The following TMX3 variants were observed in gnomAD, a reference collection of about 807,000 sequenced individuals.
The protein encoded by TMX3 is thioredoxin related transmembrane protein 3.
TMX3 carries 40 observed loss-of-function variants against 64.4 expected under a neutral mutation model. That is an observed-to-expected ratio of 0.62 (90% CI 0.48 to 0.81). The LOEUF is 0.81. Among genes scored for constraint, TMX3 ranks in the 30% least tolerant of loss-of-function variants. The pLI is 0.00. For missense variants in TMX3, 497 were observed against 534.5 expected, an observed-to-expected ratio of 0.93 and a Z score of 0.69; for synonymous variants, 189 against 175.7, an observed-to-expected ratio of 1.08 and a Z score of -0.60.
chr18:68,686,940 C>T (rs1914021542), intron 10 of TMX3: 1 of 983,498 alleles, frequency 1.0e-6, no homozygotes, highest in Non-Finnish European at 1.2e-6. Flanking sequence ...TAAGAGTAGG[C>T]AATCATGAAG....
Position 68,681,205 on chromosome 18 carries a change from G to T in TMX3, c.906-95C>A, listed in dbSNP as rs554256486. The T allele has an allele frequency of 1.4e-3, 1,496 of 1,101,060 alleles. 1 individual carries two copies. Among genetic ancestry groups the T allele is most frequent in the Non-Finnish European group, 1.5e-3 (1,273 of 829,498 alleles). The allele number at this position is 1,101,060 out of a possible 1,614,324, so 68.2% of individuals were successfully genotyped here. ...TATCTCAGTAGCCATAATTATAGAA[G>T]CTATTTAACACATTTGTGCATATTT... On this transcript the variant is annotated intron_variant, in intron 13 of 15. Transcript: ENST00000299608.
intron 10 of TMX3, chr18:68,687,030 A>G (rs1466512781): frequency 2.0e-6 from 2 of 982,548 alleles, no homozygotes; most frequent in East Asian, 2.3e-4. Flanking sequence ...CTCAAAAGCT[A>G]TACTTCCATC....
At chr18:68,694,241 T>G (rs893357573) in intron 8 of TMX3, among the ~76,000 whole-genome samples, 2 of 152,162 alleles carry the variant, frequency 1.3e-5, no homozygotes, top group African/African-American at 4.8e-5. Flanking sequence ...GAACCCAGAC[T>G]TTGGGGCTCC....
At chr18:68,690,794 T>C (rs962617710) in intron 9 of TMX3, among the ~76,000 whole-genome samples, 2 of 152,206 alleles carry the variant, frequency 1.3e-5, no homozygotes, top group Admixed American at 6.5e-5. Flanking sequence ...CTACGATGTA[T>C]GTTTGATATT....
chr18:68,700,447 C>G lies in TMX3; in HGVS notation c.350G>C (p.Arg117Pro). 6.3e-7 allele frequency: 1 copy of G among 1,576,854 alleles called. No homozygotes were observed. The highest frequency in any genetic ancestry group is 8.6e-7 in the Non-Finnish European group (1 of 1,163,738). The change falls in exon 6 of 16, where the codon CGA (arginine) becomes CCA (proline). Residue 117 changes from arginine (R) to proline (P), a missense_variant. By Grantham distance (103) the Arg-to-Pro change is moderately radical. Around this residue, in one of 3 missense-constraint regions of TMX3, gnomAD observed 360 missense variants for 383.5 expected, o/e 0.94. Transcript: ENST00000299608. ...AAACTCAATAATATCATCTTTTGTT[C>G]GTGGTCCTCTATAATTATATGCCAA... ...GDLAYNYRGP[R>P]TKDDIIEFAH...
rs309204 is a variant in TMX3 at position 68,676,890 on chromosome 18, T to C, written c.*43A>G. On this transcript the variant is annotated 3_prime_UTR_variant, in exon 16 of 16. Transcript: ENST00000299608. ...GTCTAAATTCAATAAATAGACTCTT[T>C]AATAATTTGAAGTCCTAACAAATAT... 0.013 allele frequency: 19,870 copies of C among 1,575,472 alleles called. 1,658 individuals carry two copies. In the African/African-American group the frequency reaches 0.21, roughly 16 times the overall value.
chr18:68,714,837 C>T lies in TMX3; in HGVS notation c.46+99G>A, dbSNP rs538910176. The T allele has an allele frequency of 1.6e-4, 233 of 1,478,222 alleles. 3 individuals carry two copies. In the South Asian group the frequency reaches 2.7e-3, roughly 17 times the overall value. 91.6% of individuals were successfully genotyped at this position (1,478,222 alleles called of 1,614,324 possible). On this transcript the variant is annotated intron_variant, in intron 1 of 15. Transcript: ENST00000299608. ...GGGAATGGGTGGGCATCTCCACGAA[C>T]CCCGCAGGCCTCGCCCCAGACCCGG...
Position 68,677,022 on chromosome 18 carries a change from T to A in TMX3, c.1276A>T (p.Ser426Cys), listed in dbSNP as rs1239540963. Residue 426 changes from serine (S) to cysteine (C), a missense_variant, in exon 16 of 16, where the codon AGC becomes TGC. By Grantham distance (112) the Ser-to-Cys change is moderately radical (BLOSUM62 -1). Coordinates refer to ENST00000299608, the MANE Select transcript of TMX3 (RefSeq NM_019022.5). Reference sequence around the variant, plus strand: ...CTGCTGGGCTCCTGCTGTTCTTTGCTCTCTTCTATCTGTTCTTGGTTTTCA... The same window carrying A: ...CTGCTGGGCTCCTGCTGTTCTTTGCACTCTTCTATCTGTTCTTGGTTTTCA... ...ENENQEQIEE[S>C]KEQQEPSSGG... 1.2e-6 allele frequency: 2 copies of A among 1,613,834 alleles called. No individual in the cohort carries two copies. Among genetic ancestry groups the A allele is most frequent in the Admixed American group, 3.3e-5 (2 of 59,966 alleles).
chr18:68,687,813 AAG>A (rs1383593227), intron 9 of TMX3, 48 bp from the exon 10 acceptor site: 1 of 1,430,702 alleles, frequency 7.0e-7, no homozygotes, highest in Non-Finnish European at 9.7e-7. Flanking sequence ...ATATGAATTT[AAG>A]AGTTATAATA....
Position 68,677,040 on chromosome 18 carries a change from G to C in TMX3, c.1258C>G (p.Gln420Glu), listed in dbSNP as rs1223743731. The change falls in exon 16 of 16, where the codon CAA becomes GAA. Residue 420 changes from glutamine to glutamate, a missense_variant. By Grantham distance (29) the Gln-to-Glu change is conservative. Coordinates refer to ENST00000299608, the MANE Select transcript of TMX3 (RefSeq NM_019022.5). ...TCTTTGCTCTCTTCTATCTGTTCTTGGTTTTCATTTTCACTTTTAGACACT... is the reference window on the plus strand; with the variant it reads ...TCTTTGCTCTCTTCTATCTGTTCTTCGTTTTCATTTTCACTTTTAGACACT... ...YEVSKSENEN[Q>E]EQIEESKEQQ... The C allele has an allele frequency of 6.2e-7, 1 of 1,613,654 alleles. No homozygotes were observed. The highest frequency in any genetic ancestry group is 1.1e-5 in the South Asian group (1 of 91,058).
rs189874876 is a variant in TMX3 at position 68,699,358 on chromosome 18, G to A, written c.392+1047C>T. Among the ~76,000 whole-genome samples the A allele has an allele frequency of 3.6e-3, 555 of 152,084 alleles. 6 individuals carry two copies. The highest frequency in any genetic ancestry group is 4.2e-3 in the Non-Finnish European group (287 of 67,974). Reference sequence around the variant, plus strand: ...TAATGACTAATATAAATCCTGGGAGGATTCAGTACCTCCCGCTAGCACTCC... The same window carrying A: ...TAATGACTAATATAAATCCTGGGAGAATTCAGTACCTCCCGCTAGCACTCC... On this transcript the variant is annotated intron_variant, in intron 6 of 15. Transcript: ENST00000299608.
chr18:68,677,271 C>T, intron 15 of TMX3, 78 bp from the exon 16 acceptor site: 1 of 1,451,956 alleles, frequency 6.9e-7, no homozygotes, highest in East Asian at 2.3e-5. Flanking sequence ...CTTGAAACCA[C>T]TATAGATTTC....
intron 6 of TMX3, among the ~76,000 whole-genome samples, chr18:68,699,043 TAAG>T (rs1373784938): frequency 6.6e-6 from 1 of 151,136 alleles, no homozygotes; most frequent in African/African-American, 2.4e-5. Flanking sequence ...AACCAAAAAC[TAAG>T]AAGAGGTAGT....
rs200804784 is a variant in TMX3, at chr18:68,711,327, G to A, written c.141+37C>T. On this transcript the variant is annotated intron_variant, in intron 3 of 15. Coordinates refer to ENST00000299608, the MANE Select transcript of TMX3 (RefSeq NM_019022.5). The stretch of plus-strand genomic sequence containing the variant: ...ATAGAAAATAATACTTAAAATGGTA[G>A]GGGTGGGTAATTAGCATATAAAATT... The A allele has an allele frequency of 1.3e-5, 19 of 1,514,292 alleles. No individual in the cohort carries two copies. The African/African-American group carries it at 2.5e-4, about 20-fold the overall frequency. 93.8% of individuals were successfully genotyped at this position (1,514,292 alleles called of 1,614,324 possible).
rs771905456 is a variant in TMX3 at position 68,675,337 on chromosome 18, T to C, written c.*1596A>G. ...AATTTTGGACTGCATATTTGTTTCA[T>C]TTCCAAAAAAAAGAAATATGGAGTG... On this transcript the variant is annotated 3_prime_UTR_variant, in exon 16 of 16. Coordinates refer to ENST00000299608, the MANE Select transcript of TMX3 (RefSeq NM_019022.5). 1.3e-5 allele frequency: 2 copies of C among 152,108 alleles called. No individual in the cohort carries two copies. The highest frequency in any genetic ancestry group is 2.9e-5 in the Non-Finnish European group (2 of 68,010). The allele number at this position is 152,108 out of a possible 1,614,324, so 9.4% of individuals were successfully genotyped here.
At chr18:68,710,683 A>G (rs2031187844) in intron 3 of TMX3, among the ~76,000 whole-genome samples, 1 of 152,204 alleles carries the variant, frequency 6.6e-6, no homozygotes, top group South Asian at 2.1e-4. Context: ...CTTTAGAATT[A>G]CCAGATGGTG....
chr18:68,700,602 G>T, intron 5 of TMX3, 117 bp from the exon 6 acceptor site: 1 of 1,024,120 alleles, frequency 9.8e-7, no homozygotes. Flanking sequence ...ATGCAGAGAA[G>T]TTTTAGAAGT....
In TMX3 at chr18:68,676,018, G is replaced by T. The variant is rs945235427; in HGVS notation, c.*915C>A. ...GTGCATACGTACGTATTCTAGAGTA[G>T]AAGTTACCATAAAGTTCACACACCA... On this transcript the variant is annotated 3_prime_UTR_variant, in exon 16 of 16. Transcript: ENST00000299608. 6.6e-6 allele frequency: 1 copy of T among 152,076 alleles called. No individual in the cohort carries two copies. The highest frequency in any genetic ancestry group is 6.6e-5 in the Admixed American group (1 of 15,248). The allele number at this position is 152,076 out of a possible 1,614,324, so 9.4% of individuals were successfully genotyped here. A position where few individuals can be genotyped will look rare whatever the true frequency, so the allele number is the denominator to read the frequency against.
chr18:68,683,454 T>C (rs1384896475), intron 12 of TMX3, among the ~76,000 whole-genome samples: 5 of 152,122 alleles, frequency 3.3e-5, no homozygotes, highest in Non-Finnish European at 5.9e-5. Flanking sequence ...ATAGCAACAA[T>C]GATTCAGCAT....
Sources: gnomAD v4.1 joint callset for allele counts (sites outside exome capture counted in the v4.1 genomes callset) on GRCh38, gnomAD v4.1.1 for gene constraint, gnomAD v4.1.1 regional missense constraint, MANE v1.5 for transcripts, NCBI Gene and HGNC (gene_info 2026-07-23, HGNC 2026-07-21) for gene names.